Variants in RAD51B observed in about 807,000 individuals in gnomAD.
RAD51B encodes RAD51 paralog B, also known as DNA repair protein RAD51 homolog 2.
Under a neutral mutation model 42.2 loss-of-function variants are expected in RAD51B, and 38 were observed. The observed-to-expected ratio is 0.90, with a 90% confidence interval of 0.70 to 1.18. RAD51B has a LOEUF of 1.18. RAD51B is among the 50% of genes most tolerant of loss of function. RAD51B has a pLI of 0.00. For missense variants in RAD51B, 373 were observed against 400.7 expected, an observed-to-expected ratio of 0.93 and a Z score of 0.59; for synonymous variants, 154 against 145.2, an observed-to-expected ratio of 1.06 and a Z score of -0.43.
At chr14:68,231,755 A>C (rs1316170) in intron 7 of RAD51B, among the ~76,000 whole-genome samples, 23,961 of 152,224 alleles carry the variant, frequency 0.16, 2,005 homozygotes, top group Middle Eastern at 0.35. Context: ...AGAAGCAGAA[A>C]GCTTTGCCTA....
At chr14:67,826,818 G>T (rs2040851742) in intron 3 of RAD51B, among the ~76,000 whole-genome samples, 1 of 151,978 alleles carries the variant, frequency 6.6e-6, no homozygotes, top group African/African-American at 2.4e-5. Context: ...GAGTGGCTGG[G>T]ACTACAGGTG....
exon 11 of RAD51B, chr14:68,594,711 G>A (rs1890916681): frequency 5.5e-6 from 7 of 1,265,362 alleles, no homozygotes; most frequent in Non-Finnish European, 7.1e-6. Context: ...TTACAAGTAT[G>A]AGACTTTGCC....
intron 8 of RAD51B, among the ~76,000 whole-genome samples, chr14:68,397,909 C>T (rs550230577): frequency 1.3e-5 from 2 of 152,236 alleles, no homozygotes; most frequent in Non-Finnish European, 2.9e-5. Flanking sequence ...TCCCCCACCC[C>T]CTTCTCAGAG....
chr14:68,323,333 T>C (rs1362395948), intron 8 of RAD51B, among the ~76,000 whole-genome samples: 1 of 152,216 alleles, frequency 6.6e-6, no homozygotes, highest in East Asian at 1.9e-4. Flanking sequence ...TATTTGTTCC[T>C]TCATCATTCA....
intron 8 of RAD51B, among the ~76,000 whole-genome samples, chr14:68,409,720 C>G (rs1430543053): frequency 6.6e-6 from 1 of 152,164 alleles, no homozygotes; most frequent in Admixed American, 6.5e-5. Flanking sequence ...GCAGAGGCAG[C>G]TGACAAAGTG....
chr14:68,181,113 G>A (rs749313863), intron 7 of RAD51B, among the ~76,000 whole-genome samples: 11 of 152,200 alleles, frequency 7.2e-5, no homozygotes, highest in Non-Finnish European at 1.0e-4. Context: ...TGATTTGAAG[G>A]TGGGTTTTAG....
At chr14:68,173,630 C>T (rs1314466688) in intron 7 of RAD51B, among the ~76,000 whole-genome samples, 1 of 152,200 alleles carries the variant, frequency 6.6e-6, no homozygotes, top group African/African-American at 2.4e-5. Context: ...GGTTCATAGA[C>T]TGTCTCAGTT....
chr14:68,017,858 C>T (rs1410268977), intron 7 of RAD51B, among the ~76,000 whole-genome samples: 1 of 152,052 alleles, frequency 6.6e-6, no homozygotes, highest in Non-Finnish European at 1.5e-5. Flanking sequence ...GTAGTCCCAG[C>T]TACTCGGGAC....
At chr14:68,190,397 A>T (rs1436389915) in intron 7 of RAD51B, among the ~76,000 whole-genome samples, 1 of 152,226 alleles carries the variant, frequency 6.6e-6, no homozygotes, top group African/African-American at 2.4e-5. Flanking sequence ...ATTTTTAAAA[A>T]TGTATAAATA....
At chr14:68,613,236 T>A (rs1444829616), downstream of RAD51B, among the ~76,000 whole-genome samples, 3 of 152,078 alleles carry the variant, frequency 2.0e-5, no homozygotes, top group Non-Finnish European at 2.9e-5. Context: ...CCCAACATGG[T>A]GAAACCCTGT....
intron 7 of RAD51B, among the ~76,000 whole-genome samples, chr14:68,014,683 T>G (rs2140336853): frequency 6.7e-6 from 1 of 149,660 alleles, no homozygotes; most frequent in East Asian, 1.9e-4. Context: ...TGTTTAAATT[T>G]AAGGATCAGT....
At chr14:68,623,563 C>A (rs975610066) in intron 10 of RAD51B, among the ~76,000 whole-genome samples, 2 of 152,214 alleles carry the variant, frequency 1.3e-5, no homozygotes, top group Admixed American at 6.5e-5. Flanking sequence ...ATGGCTGTAT[C>A]CACAAAGAGG....
chr14:67,949,683 C>G (rs1239729294), intron 7 of RAD51B, among the ~76,000 whole-genome samples: 1 of 152,114 alleles, frequency 6.6e-6, no homozygotes, highest in Non-Finnish European at 1.5e-5. Flanking sequence ...TTTTCTTTAT[C>G]CAGATCCATC....
intron 10 of RAD51B, among the ~76,000 whole-genome samples, chr14:68,522,050 A>G (rs1009596579): frequency 1.3e-5 from 2 of 152,200 alleles, no homozygotes; most frequent in Non-Finnish European, 2.9e-5. Flanking sequence ...GCCTGTGGAC[A>G]CACAGCTGGC....
At chr14:67,914,451 G>A (rs976701175) in intron 7 of RAD51B, among the ~76,000 whole-genome samples, 1 of 152,150 alleles carries the variant, frequency 6.6e-6, no homozygotes, top group Non-Finnish European at 1.5e-5. Context: ...TTGAGTATAT[G>A]TACCACATTT....
At chr14:68,210,792 C>T (rs923657402) in intron 7 of RAD51B, among the ~76,000 whole-genome samples, 2 of 152,106 alleles carry the variant, frequency 1.3e-5, no homozygotes, top group African/African-American at 2.4e-5. Flanking sequence ...ATCATGTTGA[C>T]GTGGAGTGAG....
intron 10 of RAD51B, chr14:68,469,168 T>C: frequency 2.0e-6 from 1 of 489,512 alleles, no homozygotes; most frequent in Non-Finnish European, 4.2e-6. Flanking sequence ...GTCACTGCTG[T>C]CCATGGGAGA....
chr14:68,197,799 C>T (rs185360544), intron 7 of RAD51B, among the ~76,000 whole-genome samples: 79 of 152,136 alleles, frequency 5.2e-4, no homozygotes, highest in Non-Finnish European at 5.9e-5. Context: ...TGAAGTGTTT[C>T]TTCAATCTTT....
chr14:67,955,922 C>T (rs910266183), intron 7 of RAD51B, among the ~76,000 whole-genome samples: 4 of 152,092 alleles, frequency 2.6e-5, no homozygotes, highest in Non-Finnish European at 5.9e-5. Context: ...ATAGTGTGGG[C>T]AAAGATGGAA....
Sources: gnomAD v4.1 joint callset for allele counts (sites outside exome capture counted in the v4.1 genomes callset) on GRCh38, gnomAD v4.1.1 for gene constraint, MANE v1.5 for transcripts, NCBI Gene and HGNC (gene_info 2026-07-23, HGNC 2026-07-21) for gene names.